KANK1: variants seen among roughly 807,000 people sequenced by gnomAD.
KANK1 encodes the protein KN motif and ankyrin repeat domain-containing protein 1.
A neutral mutation model predicts 106.2 loss-of-function variants in KANK1; 109 were observed. The observed-to-expected ratio is 1.03, with a 90% confidence interval of 0.88 to 1.20. KANK1 has a LOEUF of 1.20. KANK1 is among the 50% of genes most tolerant of loss of function. KANK1 has a pLI of 0.00. For missense variants in KANK1, 2,399 were observed against 1,710.7 expected, an observed-to-expected ratio of 1.40 and a Z score of -7.10; for synonymous variants, 873 against 652.2, an observed-to-expected ratio of 1.34 and a Z score of -5.16.
At chr9:554,268 C>T (rs891002012) in intron 1 of KANK1, among the ~76,000 whole-genome samples, 9 of 152,164 alleles carry the variant, frequency 5.9e-5, no homozygotes, top group African/African-American at 2.2e-4. Context: ...TTTCCATCTC[C>T]ATCTGAGTCT....
chr9:523,259 A>T (rs1310391109), intron 1 of KANK1, among the ~76,000 whole-genome samples: 1 of 151,644 alleles, frequency 6.6e-6, no homozygotes, highest in Non-Finnish European at 1.5e-5. Context: ...ACAGACTTCT[A>T]GTGGTAAAAC....
chr9:569,335 G>A (rs2134741120), intron 1 of KANK1, among the ~76,000 whole-genome samples: 2 of 152,216 alleles, frequency 1.3e-5, no homozygotes, highest in African/African-American at 4.8e-5. Flanking sequence ...ATATTGAGAG[G>A]TGGGGCCTTT....
At chr9:505,134 C>G (rs985624282) in intron 1 of KANK1, among the ~76,000 whole-genome samples, 1 of 152,140 alleles carries the variant, frequency 6.6e-6, no homozygotes, top group Non-Finnish European at 1.5e-5. Context: ...TACCCCGGCC[C>G]GGCGCTCTGT....
chr9:690,004 G>T (rs1289860085), intron 2 of KANK1, among the ~76,000 whole-genome samples: 1 of 151,880 alleles, frequency 6.6e-6, no homozygotes, highest in African/African-American at 2.4e-5. Context: ...AGAACTACAA[G>T]AGGCTGGGCA....
intron 4 of KANK1, 129 bp downstream of exon 4, chr9:730,377 G>A: frequency 1.0e-6 from 1 of 983,886 alleles, no homozygotes; most frequent in Non-Finnish European, 1.5e-6. Flanking sequence ...TGGAAGGTAG[G>A]CCCAGAATAT....
At chr9:540,538 GA>G (rs2060541226) in intron 1 of KANK1, 1 of 152,176 alleles carries the variant, frequency 6.6e-6, no homozygotes, top group African/African-American at 2.4e-5. Flanking sequence ...AATGAGTTTG[GA>G]AGGGTTGATT....
chr9:555,413 C>T (rs147028413), intron 1 of KANK1, among the ~76,000 whole-genome samples: 2 of 152,296 alleles, frequency 1.3e-5, no homozygotes, highest in East Asian at 3.9e-4. Flanking sequence ...TAAACTCTTC[C>T]ACTCAGTCTG....
chr9:684,505 G>A lies in KANK1; in HGVS notation c.37+7496G>A, dbSNP rs7040567. 2.4e-3 allele frequency: 2,405 copies of A among 985,338 alleles called. 55 individuals carry two copies. The African/African-American group carries it at 0.039, about 16-fold the overall frequency. The allele number at this position is 985,338 out of a possible 1,614,324, so 61.0% of individuals were successfully genotyped here. On this transcript the variant is annotated intron_variant, in intron 2 of 11. Coordinates refer to ENST00000382297, the MANE Select transcript of KANK1 (RefSeq NM_015158.5). ...TAAGAGACTGGGTAGCCAGTCAAAG[G>A]GTTAAAACAGCCCTTCCTACAAGGA...
chr9:627,069 G>A lies in KANK1; in HGVS notation c.-83-49821G>A, dbSNP rs148871295. 3.9e-5 allele frequency among the ~76,000 whole-genome samples: 6 copies of A among 152,160 alleles called. No individual in the cohort carries two copies. The East Asian group carries it at 1.2e-3, about 29-fold the overall frequency. ...ATTCCAAGGGGGAAAAAAAGGTGGG[G>A]GTTGGACAACAGAGAATGAACAGCA... On this transcript the variant is annotated intron_variant, in intron 1 of 11. Transcript: ENST00000382297.
intron 3 of KANK1, among the ~76,000 whole-genome samples, chr9:726,348 G>C (rs1227376212): frequency 6.6e-6 from 1 of 152,096 alleles, no homozygotes; most frequent in Non-Finnish European, 1.5e-5. Context: ...CGTTAAACTT[G>C]AACTGAGAGG....
intron 1 of KANK1, among the ~76,000 whole-genome samples, chr9:530,345 T>C (rs774590620): frequency 2.0e-5 from 3 of 152,214 alleles, no homozygotes; most frequent in Non-Finnish European, 4.4e-5. Context: ...TTTGGTACTT[T>C]TGTAGTTTCA....
At chr9:490,192 T>A (rs1191903429) in intron 3 of KANK1, among the ~76,000 whole-genome samples, 2 of 152,188 alleles carry the variant, frequency 1.3e-5, no homozygotes, top group Admixed American at 6.5e-5. Context: ...ACATTTTAAA[T>A]ACATCTCCAC....
At chr9:502,622 C>G (rs2058577179), upstream of KANK1, among the ~76,000 whole-genome samples, 1 of 151,684 alleles carries the variant, frequency 6.6e-6, no homozygotes, top group African/African-American at 2.4e-5. Flanking sequence ...TTCCCGGGTT[C>G]AAGGATTCTC....
intron 3 of KANK1, among the ~76,000 whole-genome samples, chr9:487,371 C>T (rs763636991): frequency 6.6e-6 from 1 of 152,128 alleles, no homozygotes; most frequent in Non-Finnish European, 1.5e-5. Context: ...ATGATTCTGC[C>T]CACCTGTAGG....
chr9:505,934 C>G (rs759146119), intron 1 of KANK1, among the ~76,000 whole-genome samples: 14 of 152,146 alleles, frequency 9.2e-5, no homozygotes, highest in Non-Finnish European at 1.9e-4. Context: ...GCGTTAACAG[C>G]TAAGTAGCTG....
chr9:608,078 C>T (rs1356933874), intron 1 of KANK1, among the ~76,000 whole-genome samples: 5 of 141,120 alleles, frequency 3.5e-5, no homozygotes, highest in African/African-American at 1.1e-4. Context: ...TCGCCCAGGC[C>T]GGACTGCGGA....
intron 3 of KANK1, among the ~76,000 whole-genome samples, chr9:723,997 G>A (rs1489441627): frequency 1.3e-5 from 2 of 151,730 alleles, no homozygotes; most frequent in African/African-American, 2.4e-5. Flanking sequence ...CAGCTATTTG[G>A]GGGGCTGAGG....
chr9:742,366 G>C lies in KANK1; in HGVS notation c.3858G>C (p.Leu1286=), dbSNP rs1172902715. The C allele has an allele frequency of 6.2e-7, 1 of 1,613,958 alleles. No homozygotes were observed. The highest frequency in any genetic ancestry group is 1.7e-5 in the Admixed American group (1 of 59,998). Reference sequence around the variant, plus strand: ...GACACGTGGAGATTGTCAAGCTGCTGCTGGCCCAGCCCGGCTGCAACGGTC... The same window carrying C: ...GACACGTGGAGATTGTCAAGCTGCTCCTGGCCCAGCCCGGCTGCAACGGTC... ...EHGHVEIVKL[L]LAQPGCNGHL... Residue 1286 remains leucine, a synonymous_variant, in exon 10 of 12, where the codon CTG becomes CTC. Coordinates refer to ENST00000382297, the MANE Select transcript of KANK1 (RefSeq NM_015158.5).
chr9:583,720 T>C (rs1822750013), intron 1 of KANK1, among the ~76,000 whole-genome samples: 1 of 150,630 alleles, frequency 6.6e-6, no homozygotes, highest in Non-Finnish European at 1.5e-5. Context: ...GTAATATATA[T>C]TAACATATAC....
Sources: allele counts gnomAD v4.1 joint callset (sites outside exome capture counted in the v4.1 genomes callset), GRCh38; gene constraint gnomAD v4.1.1; transcripts MANE v1.5; gene names NCBI Gene and HGNC (gene_info 2026-07-23, HGNC 2026-07-21).